Variants in POP4 observed in about 807,000 individuals in gnomAD.
POP4 encodes ribonuclease P protein subunit p29.
In POP4, 31 loss-of-function variants were observed where a neutral mutation model predicts 29.9. The ratio of observed to expected loss-of-function variants is 1.04; its 90% CI spans 0.78 to 1.40. The LOEUF is 1.40. POP4 is among the 40% of genes most tolerant of loss of function. The pLI is 0.00. For missense variants in POP4, 286 were observed against 282.7 expected (o/e 1.01, Z -0.08); for synonymous variants, 110 against 108.2 (o/e 1.02, Z -0.10).
chr19:29,611,022 C>T (rs1454913877), intron 3 of POP4: 1 of 217,758 alleles, frequency 4.6e-6, no homozygotes, highest in East Asian at 1.3e-4. Flanking sequence ...AGATGTTGCC[C>T]ACACGTTTCA....
rs990492786 is a variant in POP4 at position 29,616,761 on chromosome 19, G to C, written c.*1381G>C. The C allele has an allele frequency of 6.6e-6, 1 of 152,308 alleles. No individual in the cohort carries two copies. The highest frequency in any genetic ancestry group is 2.4e-5 in the African/African-American group (1 of 41,444). 9.4% of individuals were successfully genotyped at this position (152,308 alleles called of 1,614,324 possible). A position where few individuals can be genotyped will look rare whatever the true frequency, so the allele number is the denominator to read the frequency against. ...CAGCTCAAGTGCTCTCCCCCAAGCA[G>C]CACGCAGTCACCGCTGCCAGTGATG... On this transcript the variant is annotated 3_prime_UTR_variant, in exon 7 of 7. Coordinates refer to ENST00000585603, the MANE Select transcript of POP4 (RefSeq NM_006627.3).
rs1971119534 is a variant in POP4 at position 29,615,460 on chromosome 19, T to C, written c.*80T>C. The C allele has an allele frequency of 3.3e-6, 5 of 1,503,316 alleles. No individual in the cohort carries two copies. The East Asian group carries it at 1.1e-4, about 34-fold the overall frequency. 93.1% of individuals were successfully genotyped at this position (1,503,316 alleles called of 1,614,324 possible). A position where few individuals can be genotyped will look rare whatever the true frequency, so the allele number is the denominator to read the frequency against. The stretch of plus-strand genomic sequence containing the variant: ...AAATGTCCACCTTTCAGTGAAGAGA[T>C]AGTTAAGCCAATTCCATTTATAGAC... On this transcript the variant is annotated 3_prime_UTR_variant, in exon 7 of 7. Transcript: ENST00000585603.
At chr19:29,613,681 C>G in intron 5 of POP4, 190 bp from the exon 6 acceptor site, 1 of 854,562 alleles carries the variant, frequency 1.2e-6, no homozygotes. Flanking sequence ...TGCAAAGCCC[C>G]AGGGGAAGCC....
rs1295198656 is a variant in POP4, at chr19:29,608,681, A to G, written c.32A>G (p.Gln11Arg). MKSVIYHALS[Q>R]KEANDSDVQP... ...GGTGTGATCTACCATGCATTGTCTC[A>G]GAAAGAGGCGAATGACTCCGATGTC... is the stretch of plus-strand genomic sequence containing the variant. The change falls in exon 2 of 7, where the codon CAG becomes CGG. Residue 11 changes from glutamine to arginine, a missense_variant. Gln to Arg is a conservative substitution (Grantham distance 43). Transcript: ENST00000585603. 1.9e-6 allele frequency: 3 copies of G among 1,614,042 alleles called. No homozygotes were observed. In the South Asian group the frequency reaches 3.3e-5, roughly 18 times the overall value.
chr19:29,607,094 A>G (rs1971006706), intron 1 of POP4, among the ~76,000 whole-genome samples: 1 of 152,154 alleles, frequency 6.6e-6, no homozygotes, highest in African/African-American at 2.4e-5. Context: ...AGGGAGAACT[A>G]GATGCTATAT....
chr19:29,607,591 C>A (rs546170803), intron 1 of POP4, among the ~76,000 whole-genome samples: 1 of 152,272 alleles, frequency 6.6e-6, no homozygotes, highest in South Asian at 2.1e-4. Flanking sequence ...ATAAACCAGG[C>A]CTTAGTAGTC....
intron 5 of POP4, among the ~76,000 whole-genome samples, chr19:29,612,641 T>G (rs73016898): frequency 0.2 from 29,956 of 152,116 alleles, 3,613 homozygotes; most frequent in Non-Finnish European, 0.27. Flanking sequence ...AGGGGGCATC[T>G]CAGACTTTAC....
chr19:29,606,407 C>A (rs1970997915), intron 1 of POP4, 82 bp downstream of exon 1: 3 of 1,456,506 alleles, frequency 2.1e-6, no homozygotes, highest in East Asian at 2.6e-5. Flanking sequence ...TGGGTCCGGG[C>A]TACCTGTTGC....
chr19:29,610,393 C>G lies in POP4; in HGVS notation c.61-16C>G, dbSNP rs762634914. 3.9e-6 allele frequency: 6 copies of G among 1,543,268 alleles called. No homozygotes were observed. The African/African-American group carries it at 8.2e-5, about 21-fold the overall frequency. On this transcript the variant is annotated splice_polypyrimidine_tract_variant and intron_variant, in intron 2 of 6. Transcript: ENST00000585603. Reference sequence around the variant, plus strand: ...GACCGGAGCAGTGAGCGCCGCACCCCCTTGTCCGCCTGCAGCCTTCAGGAG... The same window carrying G: ...GACCGGAGCAGTGAGCGCCGCACCCGCTTGTCCGCCTGCAGCCTTCAGGAG...
At chr19:29,614,072 A>G in intron 6 of POP4, 100 bp downstream of exon 6, 1 of 1,492,086 alleles carries the variant, frequency 6.7e-7, no homozygotes, top group Non-Finnish European at 8.9e-7. Context: ...TGACCCCTCA[A>G]GTCAGCGCAG....
intron 2 of POP4, 92 bp downstream of exon 2, chr19:29,608,801 T>C (rs1971033939): frequency 8.2e-7 from 1 of 1,212,726 alleles, no homozygotes; most frequent in Non-Finnish European, 1.2e-6. Flanking sequence ...TGAGATGTCC[T>C]TTCCCACATC....
intron 3 of POP4, 27 bp from the exon 4 acceptor site, chr19:29,611,835 T>C: frequency 6.3e-7 from 1 of 1,599,702 alleles, no homozygotes; most frequent in Non-Finnish European, 8.6e-7. Flanking sequence ...TTGTCTAACT[T>C]TTTCCCTGTT....
chr19:29,606,428 T>C, intron 1 of POP4, 103 bp downstream of exon 1: 9 of 1,347,020 alleles, frequency 6.7e-6, no homozygotes, highest in Non-Finnish European at 8.9e-6. Flanking sequence ...TGCGGAGTCC[T>C]AACAGAACCG....
chr19:29,612,856 C>T (rs1196739758), intron 5 of POP4, among the ~76,000 whole-genome samples: 1 of 152,252 alleles, frequency 6.6e-6, no homozygotes, highest in African/African-American at 2.4e-5. Flanking sequence ...ACCTCAGACA[C>T]AGCTCCTCAC....
Position 29,610,506 on chromosome 19 carries a change from G to T in POP4, c.158G>T (p.Arg53Leu), listed in dbSNP as rs1259772679. ...CAGGCCCGCGAGGACCAGCTGCAGCGCAAGGCGGTGGTCCTGGAGTACTTC... is the reference window on the plus strand; with the variant it reads ...CAGGCCCGCGAGGACCAGCTGCAGCTCAAGGCGGTGGTCCTGGAGTACTTC... ...SPQAREDQLQ[R>L]KAVVLEYFTR... Residue 53 changes from arginine (R) to leucine (L), a missense_variant, in exon 3 of 7, where the codon CGC becomes CTC. Arg to Leu is a moderately radical substitution (Grantham distance 102). Transcript: ENST00000585603. 6.8e-6 allele frequency: 11 copies of T among 1,612,444 alleles called. No individual in the cohort carries two copies. The highest frequency in any genetic ancestry group is 7.6e-6 in the Non-Finnish European group (9 of 1,179,528).
At chr19:29,606,394 A>T in intron 1 of POP4, 69 bp downstream of exon 1, 1 of 1,525,056 alleles carries the variant, frequency 6.6e-7, no homozygotes, top group Non-Finnish European at 8.8e-7. Flanking sequence ...CTGGTGGGTG[A>T]AATGGGTCCG....
At chr19:29,608,878 C>T (rs1193445683) in intron 2 of POP4, 169 bp downstream of exon 2, 1 of 599,118 alleles carries the variant, frequency 1.7e-6, no homozygotes, top group Non-Finnish European at 2.9e-6. Context: ...TTACCTGTTC[C>T]CACGTGCCAG....
At chr19:29,610,855 A>G in intron 3 of POP4, 1 of 564,426 alleles carries the variant, frequency 1.8e-6, no homozygotes, top group Non-Finnish European at 3.2e-6. Flanking sequence ...TTCAGGAGTA[A>G]GACCCGTGCA....
chr19:29,612,213 C>T, intron 5 of POP4, 35 bp downstream of exon 5: 2 of 1,565,622 alleles, frequency 1.3e-6, no homozygotes, highest in African/African-American at 1.4e-5. Flanking sequence ...ACATGGCCAT[C>T]CAGAGGTTCA....
Sources: allele counts gnomAD v4.1 joint callset (sites outside exome capture counted in the v4.1 genomes callset), GRCh38; gene constraint gnomAD v4.1.1; transcripts MANE v1.5; gene names NCBI Gene and HGNC (gene_info 2026-07-23, HGNC 2026-07-21).